FBXL20: variants seen among roughly 807,000 people sequenced by gnomAD.
FBXL20 encodes F-box/LRR-repeat protein 20.
Under a neutral mutation model 64.0 loss-of-function variants are expected in FBXL20, and 11 were observed. The observed-to-expected ratio is 0.17, with a 90% confidence interval of 0.11 to 0.28. The LOEUF is 0.28. FBXL20 is among the 10% of genes least tolerant of loss of function. The pLI, the probability that FBXL20 is intolerant of heterozygous loss-of-function variation, is 1.00. For synonymous variants in FBXL20, 184 were observed against 189.0 expected, an observed-to-expected ratio of 0.97 and a Z score of 0.22; for missense variants, 303 against 526.2, an observed-to-expected ratio of 0.58 and a Z score of 4.15.
chr17:39,316,993 A>T (rs1438781136), intron 2 of FBXL20, among the ~76,000 whole-genome samples: 1 of 152,228 alleles, frequency 6.6e-6, no homozygotes, highest in East Asian at 1.9e-4. Flanking sequence ...CATCTCATTT[A>T]AAAGAAAATG....
rs548947035 is a variant in FBXL20, at chr17:39,288,982, C to T, written c.399-3409G>A. Among the ~76,000 whole-genome samples the T allele has an allele frequency of 3.9e-5, 6 of 152,278 alleles. No homozygotes were observed. In the South Asian group the frequency reaches 1.0e-3, roughly 26 times the overall value. On this transcript the variant is annotated intron_variant, in intron 6 of 14. Coordinates refer to ENST00000264658, the MANE Select transcript of FBXL20 (RefSeq NM_032875.3). ...CCTCCCAAAGTGCTGGGATTACAGG[C>T]GTGAGCCACCGTGCCTGGCAGAAGC...
chr17:39,398,276 T>C (rs969548891), intron 1 of FBXL20, among the ~76,000 whole-genome samples: 8 of 151,876 alleles, frequency 5.3e-5, no homozygotes, highest in Non-Finnish European at 7.4e-5. Flanking sequence ...CAAGATTTCA[T>C]CTCAAAGAAA....
At chr17:39,323,667 G>A (rs2144519758) in intron 2 of FBXL20, among the ~76,000 whole-genome samples, 2 of 152,112 alleles carry the variant, frequency 1.3e-5, no homozygotes, top group South Asian at 4.2e-4. Flanking sequence ...TTTTCAATAA[G>A]CCTCACCCCC....
intron 7 of FBXL20, among the ~76,000 whole-genome samples, chr17:39,283,386 C>A (rs950741369): frequency 3.3e-5 from 5 of 152,108 alleles, no homozygotes; most frequent in African/African-American, 1.2e-4. Context: ...CTTTGAGTGT[C>A]ACATTGATAC....
At chr17:39,396,197 T>G (rs1024384298) in intron 1 of FBXL20, among the ~76,000 whole-genome samples, 8 of 152,074 alleles carry the variant, frequency 5.3e-5, no homozygotes, top group African/African-American at 1.9e-4. Context: ...TCTGCTTTTA[T>G]TCAAAAAGCA....
chr17:39,299,128 A>ACCTCATT, intron 4 of FBXL20, 44 bp from the exon 5 acceptor site: 1 of 1,348,148 alleles, frequency 7.4e-7, no homozygotes, highest in Non-Finnish European at 1.0e-6. Flanking sequence ...CCACCTCATT[A>ACCTCATT]CTTTAGAAAA....
chr17:39,272,375 A>C (rs2046851606), intron 10 of FBXL20, among the ~76,000 whole-genome samples: 1 of 136,860 alleles, frequency 7.3e-6, no homozygotes, highest in Non-Finnish European at 1.6e-5. Context: ...ACAGAGCGAG[A>C]CTTTGTCTCA....
At chr17:39,388,616 T>TG (rs2048105541) in intron 1 of FBXL20, among the ~76,000 whole-genome samples, 1 of 150,826 alleles carries the variant, frequency 6.6e-6, no homozygotes, top group Non-Finnish European at 1.5e-5. Context: ...CCCGAGTAGC[T>TG]GGGACAACAG....
At chr17:39,383,842 G>C (rs934213409) in intron 1 of FBXL20, among the ~76,000 whole-genome samples, 29 of 151,486 alleles carry the variant, frequency 1.9e-4, no homozygotes, top group Non-Finnish European at 1.3e-4. Flanking sequence ...CACCCACCTC[G>C]GCCTCCCAAA....
At chr17:39,378,712 C>T (rs187642462) in intron 1 of FBXL20, among the ~76,000 whole-genome samples, 123 of 151,676 alleles carry the variant, frequency 8.1e-4, no homozygotes, top group Non-Finnish European at 1.5e-3. Flanking sequence ...TGGGTTCACG[C>T]CATTCTCCTG....
intron 2 of FBXL20, among the ~76,000 whole-genome samples, chr17:39,323,333 A>G (rs1020786610): frequency 6.6e-5 from 10 of 152,178 alleles, no homozygotes; most frequent in African/African-American, 2.2e-4. Flanking sequence ...AAAGTTCTTA[A>G]TTATATCCAG....
chr17:39,274,551 G>T (rs773918053), intron 10 of FBXL20, among the ~76,000 whole-genome samples: 1 of 152,146 alleles, frequency 6.6e-6, no homozygotes, highest in African/African-American at 2.4e-5. Flanking sequence ...CAGTACAAAA[G>T]AGGTATTCCT....
chr17:39,382,535 T>C (rs1404305292), intron 1 of FBXL20, among the ~76,000 whole-genome samples: 1 of 152,052 alleles, frequency 6.6e-6, no homozygotes, highest in Non-Finnish European at 1.5e-5. Context: ...ATATGGCTTT[T>C]CAAAACCAGG....
chr17:39,276,028 CCT>C (rs2046887756), intron 9 of FBXL20, among the ~76,000 whole-genome samples: 1 of 151,144 alleles, frequency 6.6e-6, no homozygotes, highest in African/African-American at 2.4e-5. Context: ...GGGTGGATCA[CCT>C]GAGGTCGGGA....
chr17:39,387,578 CTT>C (rs567825913), intron 1 of FBXL20, among the ~76,000 whole-genome samples: 59 of 124,398 alleles, frequency 4.7e-4, no homozygotes, highest in Admixed American at 4.9e-4. Flanking sequence ...AGCGCCCAAT[CTT>C]TTTTTTTTTT....
chr17:39,264,828 C>G (rs2144339349), intron 13 of FBXL20, among the ~76,000 whole-genome samples: 1 of 152,280 alleles, frequency 6.6e-6, no homozygotes, highest in Non-Finnish European at 1.5e-5. Context: ...CAGGTGTGAT[C>G]ATCTCATCAT....
At chr17:39,360,614 C>T (rs912629342) in intron 1 of FBXL20, among the ~76,000 whole-genome samples, 4 of 152,148 alleles carry the variant, frequency 2.6e-5, no homozygotes, top group African/African-American at 7.2e-5. Flanking sequence ...GATGAATACA[C>T]TTTGATGACT....
At chr17:39,292,209 T>C (rs2047045756) in intron 6 of FBXL20, among the ~76,000 whole-genome samples, 1 of 150,644 alleles carries the variant, frequency 6.6e-6, no homozygotes, top group African/African-American at 2.5e-5. Flanking sequence ...GGGGTACTAT[T>C]TAATACCTTT....
chr17:39,274,987 C>A lies in FBXL20; in HGVS notation c.810G>T (p.Gln270His). The change falls in exon 10 of 15, where the codon CAG becomes CAT. Residue 270 changes from glutamine (Q) to histidine (H), a missense_variant. Physicochemically the swap from Gln to His is conservative, Grantham distance 24. This residue lies in a region of FBXL20 where 246 missense variants were observed against 422.6 expected (regional missense o/e 0.58). Transcript: ENST00000264658. ...ATGTTTACCTAAGCCGTGGGCAGTT[C>A]TGACCTAGAGCATTCAGGATGGCAT... ...ITDAILNALG[Q>H]NCPRLRILEV... 1 of 1,613,508 alleles carries A rather than the reference C, an allele frequency of 6.2e-7. No homozygotes were observed.
Sources: allele counts gnomAD v4.1 joint callset (sites outside exome capture counted in the v4.1 genomes callset), GRCh38; gene constraint gnomAD v4.1.1; regional missense constraint gnomAD v4.1.1; transcripts MANE v1.5; gene names NCBI Gene and HGNC (gene_info 2026-07-23, HGNC 2026-07-21).